SCAPER: variants seen among roughly 807,000 people sequenced by gnomAD.
SCAPER encodes S phase cyclin A-associated protein in the endoplasmic reticulum.
SCAPER carries 98 observed loss-of-function variants against 182.2 expected under a neutral mutation model. The observed-to-expected ratio is 0.54, with a 90% CI of 0.46 to 0.64. SCAPER has a LOEUF of 0.64. Ranked by LOEUF, SCAPER falls within the 30% of genes least tolerant of loss-of-function variation. The pLI, the probability that SCAPER is intolerant of heterozygous loss-of-function variation, is 0.00. For missense variants in SCAPER, 1,432 were observed against 1,690.0 expected (o/e 0.85, Z 2.68); for synonymous variants, 605 against 564.6 (o/e 1.07, Z -1.01).
At chr15:76,528,675 G>A (rs157792) in intron 23 of SCAPER, among the ~76,000 whole-genome samples, 1 of 152,208 alleles carries the variant, frequency 6.6e-6, no homozygotes, top group Non-Finnish European at 1.5e-5. Context: ...AGCTTAGAAG[G>A]TTTTCTGCTA....
At chr15:76,571,487 GT>G (rs2047430838) in intron 23 of SCAPER, among the ~76,000 whole-genome samples, 1 of 152,116 alleles carries the variant, frequency 6.6e-6, no homozygotes, top group South Asian at 2.1e-4. Context: ...GGTCTCCTCA[GT>G]TTCCTGACCC....
chr15:76,467,441 CTTT>C (rs11361300), intron 25 of SCAPER, among the ~76,000 whole-genome samples: 70 of 143,508 alleles, frequency 4.9e-4, no homozygotes, highest in Non-Finnish European at 5.2e-4. Flanking sequence ...GTTGGGGTGT[CTTT>C]TTTTTTTTTT....
At position 76,747,502 on chromosome 15, in the gene SCAPER, A is replaced by G. The variant is rs531226053; in HGVS notation, c.1866+6306T>C. Among the ~76,000 whole-genome samples, 216 of 152,224 alleles carry G rather than the reference A, an allele frequency of 1.4e-3. 1 individual carries two copies. Among genetic ancestry groups the G allele is most frequent in the African/African-American group, 4.7e-3 (196 of 41,522 alleles). ...GGGGACAGAGTGAGACTCTGTCTCAAAAATATATATATATATGTAATCAAT... is the reference window on the plus strand; with the variant it reads ...GGGGACAGAGTGAGACTCTGTCTCAGAAATATATATATATATGTAATCAAT... On this transcript the variant is annotated intron_variant, in intron 15 of 31. Coordinates refer to ENST00000563290, the MANE Select transcript of SCAPER (RefSeq NM_020843.4).
intron 21 of SCAPER, among the ~76,000 whole-genome samples, chr15:76,662,125 G>A (rs1017918721): frequency 6.6e-6 from 1 of 152,128 alleles, no homozygotes; most frequent in African/African-American, 2.4e-5. Context: ...AGTGGGAGCT[G>A]AACAATGAGA....
intron 23 of SCAPER, among the ~76,000 whole-genome samples, chr15:76,530,291 G>T (rs1464059457): frequency 6.6e-6 from 1 of 152,120 alleles, no homozygotes; most frequent in African/African-American, 2.4e-5. Flanking sequence ...TTATCTATTT[G>T]TTGCAACTTA....
At chr15:76,466,567 G>C (rs1007644852) in intron 25 of SCAPER, among the ~76,000 whole-genome samples, 1 of 150,778 alleles carries the variant, frequency 6.6e-6, no homozygotes, top group Non-Finnish European at 1.5e-5. Context: ...TGTTTCTTTA[G>C]GATTGGTTTG....
chr15:76,767,815 G>T (rs775155857), intron 10 of SCAPER, among the ~76,000 whole-genome samples: 1 of 151,982 alleles, frequency 6.6e-6, no homozygotes, highest in Non-Finnish European at 1.5e-5. Context: ...AATAGGCAGA[G>T]ATTATCAAAC....
chr15:76,537,654 A>G (rs2044301598), intron 23 of SCAPER, among the ~76,000 whole-genome samples: 1 of 151,952 alleles, frequency 6.6e-6, no homozygotes, highest in African/African-American at 2.4e-5. Flanking sequence ...GGACATAGGC[A>G]TGGGCAAGGA....
chr15:76,802,776 G>C (rs1346064088), intron 6 of SCAPER, among the ~76,000 whole-genome samples: 1 of 152,152 alleles, frequency 6.6e-6, no homozygotes, highest in African/African-American at 2.4e-5. Context: ...CCAAAGCAAA[G>C]AGGCAGGATA....
At position 76,598,622 on chromosome 15, in the gene SCAPER, TA is replaced by T. The variant is rs541281459; in HGVS notation, c.2711+23141del. 4.8e-4 allele frequency among the ~76,000 whole-genome samples: 58 copies of T among 120,786 alleles called. 8 individuals are homozygous for T. The highest frequency in any genetic ancestry group is 1.4e-3 in the African/African-American group (54 of 39,678). 79.2% of individuals were successfully genotyped at this position (120,786 alleles called of 152,430 possible). ...TACACCATGGAATACTATATAGCCA[TA>T]AAAAAGGATGAGTTCATGTCCTTTA... On this transcript the variant is annotated intron_variant, in intron 22 of 31. Transcript: ENST00000563290.
intron 4 of SCAPER, among the ~76,000 whole-genome samples, chr15:76,856,302 T>C (rs1252204911): frequency 6.6e-6 from 1 of 151,944 alleles, no homozygotes; most frequent in African/African-American, 2.4e-5. Flanking sequence ...GAAAAATAAC[T>C]ATTGGGTACT....
At chr15:76,648,441 T>C (rs956044199) in intron 21 of SCAPER, among the ~76,000 whole-genome samples, 1 of 152,036 alleles carries the variant, frequency 6.6e-6, no homozygotes, top group Middle Eastern at 3.4e-3. Context: ...AGAAGAAAAA[T>C]AGACTGAGGC....
intron 5 of SCAPER, among the ~76,000 whole-genome samples, chr15:76,824,075 C>T (rs1033462182): frequency 1.2e-4 from 19 of 152,060 alleles, no homozygotes; most frequent in Admixed American, 1.2e-3. Flanking sequence ...AGCTGTAATC[C>T]GAGTCATGTT....
At chr15:76,776,084 G>C (rs1432776244) in intron 8 of SCAPER, among the ~76,000 whole-genome samples, 1 of 152,118 alleles carries the variant, frequency 6.6e-6, no homozygotes, top group East Asian at 1.9e-4. Context: ...GACTACAGTA[G>C]ACTGCCTTGG....
chr15:76,464,910 T>A (rs921630210), intron 25 of SCAPER, among the ~76,000 whole-genome samples: 2 of 152,284 alleles, frequency 1.3e-5, no homozygotes, highest in African/African-American at 4.8e-5. Context: ...TCTGATTTGT[T>A]TTATAACAGC....
intron 27 of SCAPER, among the ~76,000 whole-genome samples, chr15:76,389,543 G>T (rs1395252903): frequency 2.8e-5 from 4 of 144,092 alleles, no homozygotes; most frequent in African/African-American, 1.0e-4. Flanking sequence ...GCCGGGCGCG[G>T]TGGCTCACAC....
At chr15:76,842,225 G>C (rs574597115) in intron 4 of SCAPER, among the ~76,000 whole-genome samples, 9 of 152,232 alleles carry the variant, frequency 5.9e-5, no homozygotes, top group Admixed American at 5.2e-4. Flanking sequence ...TAAGGGACTT[G>C]AACATCCAAA....
intron 23 of SCAPER, chr15:76,567,441 T>C: frequency 2.4e-6 from 1 of 411,946 alleles, no homozygotes; most frequent in South Asian, 1.8e-5. Flanking sequence ...TCTACAAATT[T>C]AGTAGACAAC....
At chr15:76,811,702 C>T (rs1222829082) in intron 5 of SCAPER, among the ~76,000 whole-genome samples, 1 of 151,934 alleles carries the variant, frequency 6.6e-6, no homozygotes, top group Non-Finnish European at 1.5e-5. Flanking sequence ...GCAGGAGAAT[C>T]GCTTGAACCC....
Sources: gnomAD v4.1 joint callset for allele counts (sites outside exome capture counted in the v4.1 genomes callset) on GRCh38, gnomAD v4.1.1 for gene constraint, MANE v1.5 for transcripts, NCBI Gene and HGNC (gene_info 2026-07-23, HGNC 2026-07-21) for gene names.